AGO3: variants seen among roughly 807,000 people sequenced by gnomAD.
AGO3 encodes the protein protein argonaute-3.
In AGO3, 16 loss-of-function variants were observed where a neutral mutation model predicts 105.5. That is an observed-to-expected ratio of 0.15 (90% CI 0.10 to 0.23). AGO3 has a LOEUF of 0.23. Among genes scored for constraint, AGO3 ranks in the 10% least tolerant of loss-of-function variants. AGO3 has a pLI of 1.00. For missense variants in AGO3, 534 were observed against 1,088.0 expected (o/e 0.49, Z 7.16); for synonymous variants, 340 against 367.3 (o/e 0.93, Z 0.85).
intron 2 of AGO3, among the ~76,000 whole-genome samples, chr1:35,950,834 A>G (rs954910512): frequency 6.6e-6 from 1 of 152,246 alleles, no homozygotes; most frequent in Non-Finnish European, 1.5e-5. Flanking sequence ...CCATTAAATA[A>G]TGGAATAGAT....
rs199764498 is a variant in AGO3, at chr1:36,036,532, GTTAC to G, written c.1842+268_1842+271del. On this transcript the variant is annotated intron_variant, in intron 14 of 18. Transcript: ENST00000373191. ...ACCTCTCCATGATTATGCATTTTTAGTTACTTTTTGTTGTTTTGAATAGTTTGTT... is the reference window on the plus strand; with the variant it reads ...ACCTCTCCATGATTATGCATTTTTAGTTTTTGTTGTTTTGAATAGTTTGTT... 5.4e-3 allele frequency among the ~76,000 whole-genome samples: 813 copies of G among 151,926 alleles called. 8 individuals are homozygous for G. Among genetic ancestry groups the G allele is most frequent in the African/African-American group, 0.018 (757 of 41,428 alleles).
At position 35,996,240 on chromosome 1, in the gene AGO3, A is replaced by C. The variant is rs544455189; in HGVS notation, c.659-8101A>C. On this transcript the variant is annotated intron_variant, in intron 5 of 18. Transcript: ENST00000373191. Reference sequence around the variant, plus strand: ...CTTAGGAGGATGAGGTGAGAAGATTACTTGAGCCCAGGAGTTAGAGGTTGC... The same window carrying C: ...CTTAGGAGGATGAGGTGAGAAGATTCCTTGAGCCCAGGAGTTAGAGGTTGC... Among the ~76,000 whole-genome samples, 433 of 151,852 alleles carry C rather than the reference A, an allele frequency of 2.9e-3. 3 individuals are homozygous for C. The highest frequency in any genetic ancestry group is 0.017 in the Middle Eastern group (5 of 292).
rs1472118059 is a variant in AGO3, at chr1:36,043,252, C to T, written c.2173-195C>T. 1.1e-5 allele frequency: 6 copies of T among 562,822 alleles called. No individual in the cohort carries two copies. In the Admixed American group the frequency reaches 2.0e-4, roughly 19 times the overall value. 34.9% of individuals were successfully genotyped at this position (562,822 alleles called of 1,614,324 possible). ...TGTATTAGGTTTTGTTGTGTATCAG[C>T]GCTCACTTTCAGCAACATGTAAGAA... is the stretch of plus-strand genomic sequence containing the variant. On this transcript the variant is annotated intron_variant, in intron 16 of 18. Coordinates refer to ENST00000373191, the MANE Select transcript of AGO3 (RefSeq NM_024852.4).
At chr1:36,035,793 G>A (rs889231650) in intron 13 of AGO3, among the ~76,000 whole-genome samples, 2 of 152,326 alleles carry the variant, frequency 1.3e-5, no homozygotes, top group Admixed American at 6.5e-5. Flanking sequence ...AGCACTTTGG[G>A]AGGCCAAGGC....
rs1643025019 is a variant in AGO3, at chr1:36,061,349, G to A, written c.*5604G>A. On this transcript the variant is annotated 3_prime_UTR_variant, in exon 19 of 19. Transcript: ENST00000373191. ...TTTTAAACTAAGGTATAATGGTCAA[G>A]GCTTGTGCTAATATTACCTACTACT... 1 of 152,066 alleles carries A rather than the reference G, an allele frequency of 6.6e-6. No homozygotes were observed. Among genetic ancestry groups the A allele is most frequent in the Non-Finnish European group, 1.5e-5 (1 of 68,012 alleles). The allele number at this position is 152,066 out of a possible 1,614,324, so 9.4% of individuals were successfully genotyped here. A position where few individuals can be genotyped will look rare whatever the true frequency, so the allele number is the denominator to read the frequency against.
intron 5 of AGO3, among the ~76,000 whole-genome samples, chr1:35,987,643 A>T (rs899994629): frequency 4.6e-5 from 7 of 152,086 alleles, no homozygotes; most frequent in Non-Finnish European, 8.8e-5. Flanking sequence ...GAAAAAAGAG[A>T]AATGGAATAA....
intron 17 of AGO3, 35 bp from the exon 18 acceptor site, chr1:36,054,911 A>G: frequency 6.3e-7 from 1 of 1,598,516 alleles, no homozygotes; most frequent in Non-Finnish European, 8.6e-7. Flanking sequence ...AAAGAGTTCA[A>G]AATTCAACAG....
intron 17 of AGO3, among the ~76,000 whole-genome samples, chr1:36,046,313 A>G (rs984511305): frequency 1.3e-5 from 2 of 152,194 alleles, no homozygotes; most frequent in African/African-American, 4.8e-5. Context: ...AGGCTATGCT[A>G]TCACCAAATT....
At chr1:36,019,970 C>T (rs1272148104) in intron 11 of AGO3, among the ~76,000 whole-genome samples, 1 of 152,162 alleles carries the variant, frequency 6.6e-6, no homozygotes, top group African/African-American at 2.4e-5. Context: ...CAGGCTTTCA[C>T]CGTGTTGGCC....
chr1:35,958,616 G>A lies in AGO3; in HGVS notation c.192-8339G>A, dbSNP rs548555026. Reference sequence around the variant, plus strand: ...TGCTGTGAGCTGAGATTGCACCACTGCGCTCCAGCCTGGGCATCAGAGCCA... The same window carrying A: ...TGCTGTGAGCTGAGATTGCACCACTACGCTCCAGCCTGGGCATCAGAGCCA... On this transcript the variant is annotated intron_variant, in intron 2 of 18. Coordinates refer to ENST00000373191, the MANE Select transcript of AGO3 (RefSeq NM_024852.4). Among the ~76,000 whole-genome samples, 4 of 151,456 alleles carry A rather than the reference G, an allele frequency of 2.6e-5. No individual in the cohort carries two copies. In the South Asian group the frequency reaches 8.3e-4, roughly 32 times the overall value.
chr1:36,013,794 T>A (rs1640740225), intron 10 of AGO3, 42 bp downstream of exon 10: 1 of 1,606,030 alleles, frequency 6.2e-7, no homozygotes, highest in African/African-American at 1.3e-5. Flanking sequence ...ACATATTGTC[T>A]GTAAGTATGA....
intron 1 of AGO3, among the ~76,000 whole-genome samples, chr1:35,939,416 A>G (rs1010740880): frequency 6.6e-6 from 1 of 152,210 alleles, no homozygotes; most frequent in Non-Finnish European, 1.5e-5. Context: ...CATGGGTTTT[A>G]GAGACAGATT....
chr1:35,987,600 C>A (rs944225571), intron 5 of AGO3, among the ~76,000 whole-genome samples: 1 of 151,790 alleles, frequency 6.6e-6, no homozygotes, highest in African/African-American at 2.4e-5. Context: ...GACAAATACA[C>A]ACCAATTTCA....
At chr1:36,038,676 C>T (rs1325753665) in intron 14 of AGO3, among the ~76,000 whole-genome samples, 1 of 152,134 alleles carries the variant, frequency 6.6e-6, no homozygotes, top group Non-Finnish European at 1.5e-5. Context: ...GTGACCAGCT[C>T]TAGGCTCTGA....
intron 2 of AGO3, 30 bp from the exon 3 acceptor site, chr1:35,966,924 AT>A (rs759074435): frequency 1.1e-5 from 18 of 1,589,070 alleles, no homozygotes; most frequent in Non-Finnish European, 1.5e-5. Flanking sequence ...CTTACAGAGG[AT>A]TATGTGAATA....
chr1:36,036,281 A>G lies in AGO3; in HGVS notation c.1842+14A>G, dbSNP rs1642004079. ...TCTATTGCTGCTGTGAGTGTTAGCC[A>G]GGTTTATCTTACCTAAGGTTGACAG... On this transcript the variant is annotated intron_variant, in intron 14 of 18. Transcript: ENST00000373191. 1 of 1,611,274 alleles carries G rather than the reference A, an allele frequency of 6.2e-7. No homozygotes were observed. The highest frequency in any genetic ancestry group is 8.5e-7 in the Non-Finnish European group (1 of 1,177,524).
At chr1:35,994,824 C>G (rs1021679727) in intron 5 of AGO3, among the ~76,000 whole-genome samples, 4 of 152,190 alleles carry the variant, frequency 2.6e-5, no homozygotes, top group Admixed American at 1.3e-4. Flanking sequence ...CTGAAAGCTA[C>G]AAAGCATTAC....
intron 2 of AGO3, among the ~76,000 whole-genome samples, chr1:35,948,148 T>A (rs1308274811): frequency 6.6e-6 from 1 of 152,126 alleles, no homozygotes; most frequent in African/African-American, 2.4e-5. Flanking sequence ...AATTCAAGTT[T>A]TTTTAGTATG....
intron 5 of AGO3, among the ~76,000 whole-genome samples, chr1:35,992,624 G>A (rs1175976550): frequency 6.6e-6 from 1 of 152,142 alleles, no homozygotes; most frequent in Non-Finnish European, 1.5e-5. Flanking sequence ...TGTTATTAAA[G>A]GGCAGGGGCT....
Sources: gnomAD v4.1 joint callset for allele counts (sites outside exome capture counted in the v4.1 genomes callset) on GRCh38, gnomAD v4.1.1 for gene constraint, MANE v1.5 for transcripts, NCBI Gene and HGNC (gene_info 2026-07-23, HGNC 2026-07-21) for gene names.